NDFIP2: variants seen among roughly 807,000 people sequenced by gnomAD.
NDFIP2 encodes Nedd4 family interacting protein 2.
In NDFIP2, 19 loss-of-function variants were observed where a neutral mutation model predicts 36.0. That is an observed-to-expected ratio of 0.53 (90% CI 0.37 to 0.77). NDFIP2 has a LOEUF of 0.77. NDFIP2 is among the 30% of genes least tolerant of loss of function. The pLI is 0.00. For synonymous variants in NDFIP2, 181 were observed against 167.7 expected, an observed-to-expected ratio of 1.08 and a Z score of -0.61; for missense variants, 446 against 435.8, an observed-to-expected ratio of 1.02 and a Z score of -0.21.
chr13:79,513,474 G>C (rs771495322), intron 1 of NDFIP2, among the ~76,000 whole-genome samples: 3 of 152,126 alleles, frequency 2.0e-5, no homozygotes, highest in Non-Finnish European at 4.4e-5. Flanking sequence ...ACTACAAAAA[G>C]TGAGCTGAAC....
intron 1 of NDFIP2, among the ~76,000 whole-genome samples, chr13:79,497,660 GTT>G (rs1282594237): frequency 6.9e-4 from 87 of 126,738 alleles, no homozygotes; most frequent in African/African-American, 2.4e-3. Context: ...AGATTTCTGA[GTT>G]TTTTTTTTTT....
chr13:79,501,137 G>C (rs1038895109), intron 1 of NDFIP2, among the ~76,000 whole-genome samples: 2 of 152,010 alleles, frequency 1.3e-5, no homozygotes, highest in African/African-American at 4.8e-5. Flanking sequence ...ACAGTAAAAC[G>C]ATCAGTGGTT....
At chr13:79,544,315 T>G (rs1360874702) in intron 5 of NDFIP2, among the ~76,000 whole-genome samples, 2 of 152,178 alleles carry the variant, frequency 1.3e-5, no homozygotes, top group African/African-American at 2.4e-5. Flanking sequence ...AGTCACCCCC[T>G]GCCTTCTTAT....
At chr13:79,541,908 G>A (rs1428374954) in intron 4 of NDFIP2, among the ~76,000 whole-genome samples, 2 of 152,014 alleles carry the variant, frequency 1.3e-5, no homozygotes, top group Admixed American at 1.3e-4. Flanking sequence ...CTTAAATTTG[G>A]TAAGATAATT....
chr13:79,486,920 T>C (rs905942704), intron 1 of NDFIP2, among the ~76,000 whole-genome samples: 1 of 152,210 alleles, frequency 6.6e-6, no homozygotes, highest in Non-Finnish European at 1.5e-5. Flanking sequence ...TGTAGTAGGC[T>C]ATATATACCA....
At chr13:79,529,200 T>C (rs1426319328) in intron 2 of NDFIP2, among the ~76,000 whole-genome samples, 1 of 152,200 alleles carries the variant, frequency 6.6e-6, no homozygotes, top group Non-Finnish European at 1.5e-5. Flanking sequence ...GAGCTGGAGC[T>C]TGCCAGACTT....
At chr13:79,502,538 A>G (rs1481902196) in intron 1 of NDFIP2, among the ~76,000 whole-genome samples, 3 of 152,202 alleles carry the variant, frequency 2.0e-5, no homozygotes, top group African/African-American at 7.2e-5. Flanking sequence ...CAAAAGAAAC[A>G]GAATGAATGG....
At chr13:79,483,634 A>G (rs2079827762) in intron 1 of NDFIP2, among the ~76,000 whole-genome samples, 1 of 152,152 alleles carries the variant, frequency 6.6e-6, no homozygotes, top group South Asian at 2.1e-4. Context: ...TTAATTTTTC[A>G]CTTACTTAAA....
rs1166416623 is a variant in NDFIP2 at position 79,551,003 on chromosome 13, T to C, written c.908-14T>C. 6.6e-7 allele frequency: 1 copy of C among 1,513,346 alleles called. No individual in the cohort carries two copies. The highest frequency in any genetic ancestry group is 9.0e-7 in the Non-Finnish European group (1 of 1,109,342). 93.7% of individuals were successfully genotyped at this position (1,513,346 alleles called of 1,614,324 possible). ...TAAAAACATAGTATATCCATATTAT[T>C]TCAACCTTCTCAGGCCTGCTCCTTT... On this transcript the variant is annotated splice_polypyrimidine_tract_variant and intron_variant, in intron 6 of 7. Transcript: ENST00000218652.
chr13:79,541,661 C>G (rs1009856746), intron 4 of NDFIP2, among the ~76,000 whole-genome samples: 3 of 151,796 alleles, frequency 2.0e-5, no homozygotes, highest in African/African-American at 7.3e-5. Flanking sequence ...TTGCAACTTG[C>G]TATATTTTCC....
chr13:79,533,219 A>G (rs1875085711), intron 2 of NDFIP2, 104 bp from the exon 3 acceptor site: 4 of 904,898 alleles, frequency 4.4e-6, no homozygotes, highest in Admixed American at 5.7e-5. Context: ...TATAATAGCA[A>G]TAGTAGTCCT....
intron 2 of NDFIP2, 94 bp downstream of exon 2, chr13:79,521,069 C>A: frequency 2.0e-6 from 2 of 990,686 alleles, no homozygotes; most frequent in Non-Finnish European, 2.9e-6. Context: ...GGCTTATAAA[C>A]ATATATACAC....
Position 79,522,075 on chromosome 13 carries a change from G to A in NDFIP2, c.487+1100G>A, listed in dbSNP as rs563582533. Among the ~76,000 whole-genome samples, 5 of 152,210 alleles carry A rather than the reference G, an allele frequency of 3.3e-5. No individual in the cohort carries two copies. In the South Asian group the frequency reaches 1.0e-3, roughly 32 times the overall value. ...TATCTCCTGACCTCGTGATCCACCT[G>A]CCTCAGCCTCCCAAAGTGCTGGGAT... On this transcript the variant is annotated intron_variant, in intron 2 of 7. Coordinates refer to ENST00000218652, the MANE Select transcript of NDFIP2 (RefSeq NM_019080.3).
At chr13:79,512,217 T>C (rs957892382) in intron 1 of NDFIP2, among the ~76,000 whole-genome samples, 5 of 152,226 alleles carry the variant, frequency 3.3e-5, no homozygotes, top group Non-Finnish European at 7.3e-5. Flanking sequence ...TATCATTATA[T>C]TGTCAATGCC....
chr13:79,495,970 C>T (rs566311375), intron 1 of NDFIP2, among the ~76,000 whole-genome samples: 2 of 151,942 alleles, frequency 1.3e-5, no homozygotes, highest in South Asian at 4.1e-4. Flanking sequence ...GGTCCATTTA[C>T]TCTCCAGCCC....
chr13:79,549,659 G>A (rs1195080740), intron 6 of NDFIP2, among the ~76,000 whole-genome samples: 1 of 151,936 alleles, frequency 6.6e-6, no homozygotes, highest in Admixed American at 6.6e-5. Flanking sequence ...GAACTGGGTG[G>A]CTTCTTTTAG....
intron 4 of NDFIP2, among the ~76,000 whole-genome samples, chr13:79,540,019 A>G (rs1418866863): frequency 6.6e-6 from 1 of 152,244 alleles, no homozygotes; most frequent in Non-Finnish European, 1.5e-5. Flanking sequence ...CTGACATGTA[A>G]AAGTACATAA....
At chr13:79,522,290 T>A (rs1435382566) in intron 2 of NDFIP2, among the ~76,000 whole-genome samples, 1 of 152,208 alleles carries the variant, frequency 6.6e-6, no homozygotes, top group Non-Finnish European at 1.5e-5. Flanking sequence ...TAGTAATTCT[T>A]CAATATTTTA....
At chr13:79,504,483 G>A (rs1016162055) in intron 1 of NDFIP2, among the ~76,000 whole-genome samples, 1 of 152,092 alleles carries the variant, frequency 6.6e-6, no homozygotes, top group Non-Finnish European at 1.5e-5. Flanking sequence ...AAAATCTGTA[G>A]CATTGGTGCA....
Sources: gnomAD v4.1 joint callset for allele counts (sites outside exome capture counted in the v4.1 genomes callset) on GRCh38, gnomAD v4.1.1 for gene constraint, MANE v1.5 for transcripts, NCBI Gene and HGNC (gene_info 2026-07-23, HGNC 2026-07-21) for gene names.